Variants in GADL1 observed in about 807,000 individuals in gnomAD.
The protein encoded by GADL1 is GAD like acidic amino acid decarboxylase 1, also known as acidic amino acid decarboxylase GADL1.
GADL1 carries 71 observed loss-of-function variants against 69.5 expected under a neutral mutation model. The observed-to-expected ratio is 1.02, with a 90% CI of 0.84 to 1.25. The LOEUF is 1.25. Ranked by LOEUF, GADL1 falls within the 50% of genes most tolerant of loss-of-function variation. The pLI is 0.00. For synonymous variants in GADL1, 254 were observed against 214.4 expected (o/e 1.18, Z -1.62); for missense variants, 737 against 631.8 (o/e 1.17, Z -1.79).
intron 14 of GADL1, among the ~76,000 whole-genome samples, chr3:30,758,194 T>TG (rs1696024944): frequency 6.6e-6 from 1 of 152,312 alleles, no homozygotes; most frequent in Admixed American, 6.5e-5. Context: ...TCTTTGCCTT[T>TG]GTAGTACATT....
At chr3:30,772,598 T>C (rs1375378766) in intron 14 of GADL1, among the ~76,000 whole-genome samples, 2 of 152,172 alleles carry the variant, frequency 1.3e-5, no homozygotes, top group Non-Finnish European at 2.9e-5. Flanking sequence ...TGTATAGGGC[T>C]GGGTGCGGTG....
At chr3:30,834,510 G>T (rs1264519109) in intron 9 of GADL1, among the ~76,000 whole-genome samples, 1 of 152,026 alleles carries the variant, frequency 6.6e-6, no homozygotes, top group Non-Finnish European at 1.5e-5. Context: ...ATAAATTCAT[G>T]CATCATAAAT....
intron 6 of GADL1, 137 bp downstream of exon 6, chr3:30,849,859 G>C: frequency 1.9e-6 from 1 of 532,174 alleles, no homozygotes; most frequent in South Asian, 3.2e-5. Flanking sequence ...ATTTACTTTG[G>C]AATGAAATAC....
intron 12 of GADL1, among the ~76,000 whole-genome samples, chr3:30,793,007 G>C (rs1179033447): frequency 1.3e-5 from 2 of 152,126 alleles, no homozygotes; most frequent in African/African-American, 4.8e-5. Flanking sequence ...ATTGATTAAA[G>C]TTAAAAAATG....
intron 4 of GADL1, among the ~76,000 whole-genome samples, chr3:30,852,692 A>AC (rs1698168743): frequency 6.6e-6 from 1 of 152,110 alleles, no homozygotes; most frequent in African/African-American, 2.4e-5. Flanking sequence ...TCAATTATAA[A>AC]CCTAGGAATC....
intron 2 of GADL1, among the ~76,000 whole-genome samples, chr3:30,860,245 C>T (rs77334075): frequency 0.14 from 21,275 of 151,834 alleles, 1,594 homozygotes; most frequent in Middle Eastern, 0.2. Flanking sequence ...TGGGACCCCC[C>T]GCTGCCTTTT....
At chr3:30,790,587 TTA>T (rs1696893257) in intron 12 of GADL1, among the ~76,000 whole-genome samples, 4 of 152,256 alleles carry the variant, frequency 2.6e-5, no homozygotes, top group South Asian at 4.2e-4. Context: ...GAAATAAATT[TTA>T]GAGTGACAAC....
chr3:30,849,527 T>C (rs1482066585), intron 6 of GADL1, among the ~76,000 whole-genome samples: 1 of 149,358 alleles, frequency 6.7e-6, no homozygotes, highest in Non-Finnish European at 1.5e-5. Context: ...TGGAGAACTG[T>C]GGCAATATCT....
In GADL1 at chr3:30,735,548, T is replaced by C. The variant is rs533691483; in HGVS notation, c.1393-7133A>G. 4.6e-5 allele frequency among the ~76,000 whole-genome samples: 7 copies of C among 152,318 alleles called. No homozygotes were observed. In the East Asian group the frequency reaches 1.4e-3, roughly 29 times the overall value. On this transcript the variant is annotated intron_variant, in intron 14 of 14. Coordinates refer to ENST00000282538, the MANE Select transcript of GADL1 (RefSeq NM_207359.3). ...GAAGCCAGACTCAAAGGCTGCCTTC[T>C]ATATGTTTCCATTTATGTGGCATTC...
rs928939144 is a variant in GADL1 at position 30,726,538 on chromosome 3, A to T, written c.*1704T>A. On this transcript the variant is annotated 3_prime_UTR_variant, in exon 15 of 15. Transcript: ENST00000282538. The stretch of plus-strand genomic sequence containing the variant: ...AGGTTTCACCTGAGAATTTGAAGTA[A>T]TTCAGAGACAGATTTAATATTCTTT... The T allele has an allele frequency of 1.3e-5, 2 of 152,084 alleles. No homozygotes were observed. Among genetic ancestry groups the T allele is most frequent in the Non-Finnish European group, 2.9e-5 (2 of 67,988 alleles). 9.4% of individuals were successfully genotyped at this position (152,084 alleles called of 1,614,324 possible).
At chr3:30,732,475 C>T (rs1280857495) in intron 14 of GADL1, among the ~76,000 whole-genome samples, 1 of 152,136 alleles carries the variant, frequency 6.6e-6, no homozygotes, top group African/African-American at 2.4e-5. Context: ...TTGTCTCTCC[C>T]TACCCCTGAG....
intron 6 of GADL1, among the ~76,000 whole-genome samples, chr3:30,846,150 A>G (rs544994823): frequency 9.1e-4 from 139 of 152,250 alleles, no homozygotes; most frequent in African/African-American, 3.3e-3. Context: ...AAAGAAGGTG[A>G]TGCTTCAGAC....
intron 6 of GADL1, among the ~76,000 whole-genome samples, chr3:30,847,988 A>T (rs1351337446): frequency 6.6e-6 from 1 of 152,214 alleles, no homozygotes; most frequent in Non-Finnish European, 1.5e-5. Context: ...AGAATGAAAA[A>T]GGCAAAAGTA....
chr3:30,767,028 ACT>A lies in GADL1; in HGVS notation c.1392+11149_1392+11150del, dbSNP rs536174351. Among the ~76,000 whole-genome samples, 13 of 152,324 alleles carry A rather than the reference ACT, an allele frequency of 8.5e-5. No individual in the cohort carries two copies. The South Asian group carries it at 2.7e-3, about 32-fold the overall frequency. ...GAAAGCTAATGTTTATCAAGCATTT[ACT>A]CTGTGCCAGGCACTATTCTAAGCAC... is the stretch of plus-strand genomic sequence containing the variant. On this transcript the variant is annotated intron_variant, in intron 14 of 14. Transcript: ENST00000282538.
intron 14 of GADL1, among the ~76,000 whole-genome samples, chr3:30,729,205 C>T (rs1695417251): frequency 6.6e-6 from 1 of 152,036 alleles, no homozygotes; most frequent in African/African-American, 2.4e-5. Context: ...ATTTAAGAAC[C>T]ACATGGGAAA....
chr3:30,758,401 C>G (rs889769398), intron 14 of GADL1, among the ~76,000 whole-genome samples: 1 of 104,196 alleles, frequency 9.6e-6, no homozygotes, highest in Non-Finnish European at 1.9e-5. Flanking sequence ...CACTTTGCTC[C>G]GTATTGCCTT....
intron 1 of GADL1, among the ~76,000 whole-genome samples, chr3:30,890,870 G>T (rs1278533900): frequency 2.6e-5 from 4 of 152,084 alleles, no homozygotes; most frequent in Non-Finnish European, 2.9e-5. Flanking sequence ...CCTACTACCT[G>T]CCATGCATTG....
At chr3:30,765,209 G>A (rs749943062) in intron 14 of GADL1, among the ~76,000 whole-genome samples, 3 of 152,188 alleles carry the variant, frequency 2.0e-5, no homozygotes, top group African/African-American at 4.8e-5. Context: ...TCCTTATCCC[G>A]AATTCCCCAC....
chr3:30,756,970 G>A (rs1167521108), intron 14 of GADL1, among the ~76,000 whole-genome samples: 1 of 152,094 alleles, frequency 6.6e-6, no homozygotes, highest in African/African-American at 2.4e-5. Flanking sequence ...AAAGGAGAGG[G>A]GTAATAAGTA....
Sources: gnomAD v4.1 joint callset for allele counts (sites outside exome capture counted in the v4.1 genomes callset) on GRCh38, gnomAD v4.1.1 for gene constraint, MANE v1.5 for transcripts, NCBI Gene and HGNC (gene_info 2026-07-23, HGNC 2026-07-21) for gene names.